ARHGAP31: variants seen among roughly 807,000 people sequenced by gnomAD.
ARHGAP31 encodes Rho GTPase activating protein 31.
Under a neutral mutation model 113.9 loss-of-function variants are expected in ARHGAP31, and 34 were observed. That is an observed-to-expected ratio of 0.30 (90% CI 0.23 to 0.40). The LOEUF is 0.40. Among genes scored for constraint, ARHGAP31 ranks in the 10% least tolerant of loss-of-function variants. The pLI is 1.00. For synonymous variants in ARHGAP31, 650 were observed against 684.8 expected (o/e 0.95, Z 0.79); for missense variants, 1,548 against 1,767.1 (o/e 0.88, Z 2.22).
At chr3:119,338,758 T>C (rs1032141575) in intron 1 of ARHGAP31, among the ~76,000 whole-genome samples, 3 of 152,208 alleles carry the variant, frequency 2.0e-5, no homozygotes, top group African/African-American at 7.2e-5. Context: ...ATTGCTGTTA[T>C]TGCATTATAC....
intron 1 of ARHGAP31, among the ~76,000 whole-genome samples, chr3:119,363,291 C>G (rs1559980127): frequency 6.6e-6 from 1 of 152,164 alleles, no homozygotes. Flanking sequence ...GCATGGGAAA[C>G]AAAATCTCAC....
chr3:119,392,634 G>A (rs772943561), intron 7 of ARHGAP31, among the ~76,000 whole-genome samples: 1 of 152,222 alleles, frequency 6.6e-6, no homozygotes, highest in Non-Finnish European at 1.5e-5. Flanking sequence ...TGGGGTGCCA[G>A]GCTGTCTCGA....
intron 8 of ARHGAP31, among the ~76,000 whole-genome samples, chr3:119,396,774 G>A (rs1224467662): frequency 2.0e-5 from 3 of 152,312 alleles, no homozygotes; most frequent in Admixed American, 1.3e-4. Context: ...TTTGGGTGGG[G>A]AGGAGTTGGT....
At chr3:119,313,119 GTTAA>G (rs1251696869) in intron 1 of ARHGAP31, among the ~76,000 whole-genome samples, 7 of 152,104 alleles carry the variant, frequency 4.6e-5, no homozygotes, top group African/African-American at 1.2e-4. Flanking sequence ...TTTTTAAAGT[GTTAA>G]TTATTTTTCA....
At chr3:119,317,759 G>A (rs1385303121) in intron 1 of ARHGAP31, among the ~76,000 whole-genome samples, 2 of 152,098 alleles carry the variant, frequency 1.3e-5, no homozygotes, top group Non-Finnish European at 2.9e-5. Flanking sequence ...AAAAGTACAA[G>A]GTAATTTAGA....
rs748893560 is a variant in ARHGAP31 at position 119,382,417 on chromosome 3, C to A, written c.539+18C>A. On this transcript the variant is annotated intron_variant, in intron 5 of 11. Transcript: ENST00000264245. ...CTCCTCAGGTAACCACTCTACCCTCCCCTTGTCACCAGCCCAGGGGGCTCA... is the reference window on the plus strand; with the variant it reads ...CTCCTCAGGTAACCACTCTACCCTCACCTTGTCACCAGCCCAGGGGGCTCA... 6.2e-7 allele frequency: 1 copy of A among 1,607,750 alleles called. No homozygotes were observed. The highest frequency in any genetic ancestry group is 1.1e-5 in the South Asian group (1 of 90,956).
chr3:119,395,805 T>C (rs2080545829), intron 8 of ARHGAP31, among the ~76,000 whole-genome samples: 1 of 152,214 alleles, frequency 6.6e-6, no homozygotes, highest in African/African-American at 2.4e-5. Flanking sequence ...AAATGGATTC[T>C]GGGTCTGCAT....
intron 1 of ARHGAP31, among the ~76,000 whole-genome samples, chr3:119,332,669 A>ACG (rs2079905660): frequency 6.8e-6 from 1 of 147,096 alleles, no homozygotes; most frequent in Non-Finnish European, 1.5e-5. Flanking sequence ...ACACACACAC[A>ACG]CACACACGCA....
At chr3:119,312,091 A>T (rs1446498959) in intron 1 of ARHGAP31, among the ~76,000 whole-genome samples, 1 of 152,238 alleles carries the variant, frequency 6.6e-6, no homozygotes, top group African/African-American at 2.4e-5. Context: ...GGGAAAAGAG[A>T]GTGGTGAAGA....
intron 3 of ARHGAP31, among the ~76,000 whole-genome samples, chr3:119,371,699 A>G (rs1230088049): frequency 6.6e-6 from 1 of 152,204 alleles, no homozygotes; most frequent in East Asian, 1.9e-4. Flanking sequence ...GGTTTGTTAT[A>G]TAGGTAAACT....
In ARHGAP31 at chr3:119,383,257, A is replaced by G. The variant is rs2080419189; in HGVS notation, c.682+31A>G. The stretch of plus-strand genomic sequence containing the variant: ...GACTCCTCCTAGCATACACTCCACC[A>G]GCTTATCCTTCTTTCTTGCAACTAG... On this transcript the variant is annotated intron_variant, in intron 6 of 11. Transcript: ENST00000264245. 1.9e-6 allele frequency: 3 copies of G among 1,613,336 alleles called. No individual in the cohort carries two copies. In the East Asian group the frequency reaches 6.7e-5, roughly 36 times the overall value.
rs777571167 is a variant in ARHGAP31 at position 119,416,165 on chromosome 3, T to A, written c.4236T>A (p.Pro1412=). The change falls in exon 12 of 12, where the codon CCT becomes CCA. Residue 1412 remains proline, a synonymous_variant. Transcript: ENST00000264245. Reference sequence around the variant, plus strand: ...CACTTAGGAATAAAATGACCATCCCTAAGAATGGCCAGAGACTAGAGACCT... The same window carrying A: ...CACTTAGGAATAAAATGACCATCCCAAAGAATGGCCAGAGACTAGAGACCT... The part of the protein sequence containing the change: ...GVTLRNKMTI[P]KNGQRLETST... 1.9e-6 allele frequency: 3 copies of A among 1,614,158 alleles called. No homozygotes were observed. Among genetic ancestry groups the A allele is most frequent in the Non-Finnish European group, 2.5e-6 (3 of 1,180,022 alleles).
chr3:119,392,266 G>A (rs113127518), intron 7 of ARHGAP31, among the ~76,000 whole-genome samples: 50 of 152,186 alleles, frequency 3.3e-4, no homozygotes, highest in African/African-American at 1.1e-3. Context: ...TGGGCAACAT[G>A]GTGAAACCCA....
intron 3 of ARHGAP31, among the ~76,000 whole-genome samples, chr3:119,379,607 C>T (rs115612654): frequency 0.011 from 1,652 of 152,188 alleles, 33 homozygotes; most frequent in African/African-American, 0.038. Context: ...TTAAGATATT[C>T]CATAATTGTA....
chr3:119,409,810 G>A (rs778730041), intron 11 of ARHGAP31, 34 bp downstream of exon 11: 24 of 1,551,164 alleles, frequency 1.5e-5, no homozygotes, highest in Non-Finnish European at 2.1e-5. Context: ...CCAGCCAGGT[G>A]GAGTTATTTT....
rs2080795083 is a variant in ARHGAP31, at chr3:119,418,320, TG to T, written c.*2057del. Reference sequence around the variant, plus strand: ...AGTATTTTTCCCCAGGCCAGCAAAGTGAAGAAATACAGTGGTGACAGATGAG... The same window carrying T: ...AGTATTTTTCCCCAGGCCAGCAAAGTAAGAAATACAGTGGTGACAGATGAG... On this transcript the variant is annotated 3_prime_UTR_variant, in exon 12 of 12. Coordinates refer to ENST00000264245, the MANE Select transcript of ARHGAP31 (RefSeq NM_020754.4). 6.6e-6 allele frequency: 1 copy of T among 151,776 alleles called. No individual in the cohort carries two copies. Among genetic ancestry groups the T allele is most frequent in the African/African-American group, 2.4e-5 (1 of 41,260 alleles). The allele number at this position is 151,776 out of a possible 1,614,324, so 9.4% of individuals were successfully genotyped here. A position where few individuals can be genotyped will look rare whatever the true frequency, so the allele number is the denominator to read the frequency against.
intron 1 of ARHGAP31, among the ~76,000 whole-genome samples, chr3:119,303,765 T>A (rs2079605952): frequency 6.8e-6 from 1 of 147,284 alleles, no homozygotes; most frequent in South Asian, 2.2e-4. Context: ...CATATTTCTT[T>A]CCCCAGCTCT....
Position 119,390,897 on chromosome 3 carries a change from C to T in ARHGAP31, c.795C>T (p.Arg265=), listed in dbSNP as rs1034644603. 3 of 1,614,018 alleles carry T rather than the reference C, an allele frequency of 1.9e-6. No homozygotes were observed. The African/African-American group carries it at 4.0e-5, about 22-fold the overall frequency. The change falls in exon 7 of 12, where the codon CGC becomes CGT. Residue 265 remains arginine (R), a synonymous_variant. Coordinates refer to ENST00000264245, the MANE Select transcript of ARHGAP31 (RefSeq NM_020754.4). ...GCCTGGCCACTAACCATCCTGCTCGCAAGGAAAGGAGGGAGAACAGCCTGC... is the reference window on the plus strand; with the variant it reads ...GCCTGGCCACTAACCATCCTGCTCGTAAGGAAAGGAGGGAGAACAGCCTGC... ...ARSLATNHPA[R]KERRENSLPE...
intron 1 of ARHGAP31, chr3:119,329,998 C>T (rs2079877286): frequency 1.0e-6 from 1 of 985,344 alleles, no homozygotes; most frequent in South Asian, 4.7e-5. Flanking sequence ...TGAGTTTCCA[C>T]TATCATCGGT....
Sources: allele counts gnomAD v4.1 joint callset (sites outside exome capture counted in the v4.1 genomes callset), GRCh38; gene constraint gnomAD v4.1.1; transcripts MANE v1.5; gene names NCBI Gene and HGNC (gene_info 2026-07-23, HGNC 2026-07-21).